BTBD9: variants seen among roughly 807,000 people sequenced by gnomAD.
BTBD9 encodes BTB domain containing 9, also known as BTB/POZ domain-containing protein 9.
A neutral mutation model predicts 64.3 loss-of-function variants in BTBD9; 49 were observed. The ratio of observed to expected loss-of-function variants is 0.76; its 90% CI spans 0.61 to 0.97. The LOEUF is 0.97. Ranked by LOEUF, BTBD9 falls within the 50% of genes least tolerant of loss-of-function variation. The pLI is 0.00. For synonymous variants in BTBD9, 260 were observed against 274.7 expected, an observed-to-expected ratio of 0.95 and a Z score of 0.53; for missense variants, 598 against 762.1, an observed-to-expected ratio of 0.78 and a Z score of 2.53.
At chr6:38,638,735 C>A (rs1326388517) in intron 1 of BTBD9, among the ~76,000 whole-genome samples, 1 of 152,252 alleles carries the variant, frequency 6.6e-6, no homozygotes, top group Non-Finnish European at 1.5e-5. Flanking sequence ...TATCCTCTTA[C>A]ACAAAACATT....
At chr6:38,552,389 C>T (rs867012293) in intron 6 of BTBD9, among the ~76,000 whole-genome samples, 30 of 152,020 alleles carry the variant, frequency 2.0e-4, no homozygotes, top group African/African-American at 7.0e-4. Flanking sequence ...AAAAGTAGTC[C>T]AGAAAGAGGA....
At chr6:38,635,309 T>C (rs1332938185) in intron 1 of BTBD9, among the ~76,000 whole-genome samples, 10 of 152,110 alleles carry the variant, frequency 6.6e-5, no homozygotes, top group Admixed American at 6.5e-4. Flanking sequence ...CTAATTTTTA[T>C]ATTTTTAGTA....
chr6:38,635,454 T>C (rs2127536395), intron 1 of BTBD9, among the ~76,000 whole-genome samples: 1 of 152,290 alleles, frequency 6.6e-6, no homozygotes, highest in Middle Eastern at 3.4e-3. Context: ...GTCTACCCAA[T>C]GCATTTTCAA....
intron 6 of BTBD9, among the ~76,000 whole-genome samples, chr6:38,566,824 A>G (rs996039737): frequency 1.2e-4 from 19 of 152,292 alleles, no homozygotes; most frequent in Admixed American, 7.2e-4. Flanking sequence ...ATCTCAACAA[A>G]CCATGCACAT....
intron 1 of BTBD9, among the ~76,000 whole-genome samples, chr6:38,627,362 G>A (rs962599487): frequency 1.3e-5 from 2 of 152,142 alleles, no homozygotes; most frequent in Non-Finnish European, 2.9e-5. Flanking sequence ...GTACTGATAT[G>A]GAACAGCCTC....
chr6:38,557,211 T>C (rs1775069079), intron 6 of BTBD9, among the ~76,000 whole-genome samples: 1 of 151,358 alleles, frequency 6.6e-6, no homozygotes, highest in Admixed American at 6.6e-5. Context: ...CTGGCAGTGG[T>C]GGCAGGCGCC....
At position 38,192,602 on chromosome 6, in the gene BTBD9, G is replaced by A; in HGVS notation, c.1563-5C>T. 1 of 1,613,328 alleles carries A rather than the reference G, an allele frequency of 6.2e-7. No individual in the cohort carries two copies. Among genetic ancestry groups the A allele is most frequent in the South Asian group, 1.1e-5 (1 of 90,978 alleles). ...AAAGTTACTGACTGCCAGGACCTGT[G>A]AGAGGAAACAACCATTTGCCTGATT... On this transcript the variant is annotated splice_polypyrimidine_tract_variant and splice_region_variant and intron_variant, in intron 9 of 10. Transcript: ENST00000481247.
At chr6:38,637,087 CCTT>C (rs1160166553) in intron 1 of BTBD9, among the ~76,000 whole-genome samples, 1 of 152,136 alleles carries the variant, frequency 6.6e-6, no homozygotes, top group African/African-American at 2.4e-5. Flanking sequence ...AGCTCCATCC[CCTT>C]CTTCTCAACA....
chr6:38,474,047 G>C (rs758739723), intron 6 of BTBD9, among the ~76,000 whole-genome samples: 1 of 152,140 alleles, frequency 6.6e-6, no homozygotes, highest in Non-Finnish European at 1.5e-5. Flanking sequence ...CAGTACAGTG[G>C]CCTTGTAGAC....
At position 38,593,833 on chromosome 6, in the gene BTBD9, C is replaced by T. The variant is rs1582689398; in HGVS notation, c.549+131G>A. 3.7e-6 allele frequency: 3 copies of T among 810,420 alleles called. No individual in the cohort carries two copies. In the East Asian group the frequency reaches 7.8e-5, roughly 21 times the overall value. The allele number at this position is 810,420 out of a possible 1,614,324, so 50.2% of individuals were successfully genotyped here. A position where few individuals can be genotyped will look rare whatever the true frequency, so the allele number is the denominator to read the frequency against. On this transcript the variant is annotated intron_variant, in intron 3 of 10. Coordinates refer to ENST00000481247, the MANE Select transcript of BTBD9 (RefSeq NM_001099272.2). Reference sequence around the variant, plus strand: ...GGTAGCTAGATGCAAGTGGCTAGACCAGATAACCAATGATAACGCTTTGAT... The same window carrying T: ...GGTAGCTAGATGCAAGTGGCTAGACTAGATAACCAATGATAACGCTTTGAT...
chr6:38,404,716 G>A (rs995053432), intron 6 of BTBD9, among the ~76,000 whole-genome samples: 8 of 152,170 alleles, frequency 5.3e-5, no homozygotes, highest in African/African-American at 1.9e-4. Context: ...GCAGATAAGG[G>A]ATAAACTGAT....
intron 9 of BTBD9, among the ~76,000 whole-genome samples, chr6:38,227,830 G>A (rs1378445352): frequency 1.3e-5 from 2 of 152,190 alleles, no homozygotes; most frequent in Non-Finnish European, 2.9e-5. Context: ...GCGGCAATGG[G>A]CACTTCTGGA....
chr6:38,373,910 T>C (rs900930411), intron 6 of BTBD9, among the ~76,000 whole-genome samples: 5 of 152,116 alleles, frequency 3.3e-5, no homozygotes, highest in African/African-American at 1.2e-4. Context: ...GATATACAGA[T>C]ATTAAGGCAA....
At chr6:38,289,262 G>A (rs1165710912) in intron 7 of BTBD9, among the ~76,000 whole-genome samples, 1 of 152,054 alleles carries the variant, frequency 6.6e-6, no homozygotes, top group Non-Finnish European at 1.5e-5. Context: ...TGGTCCCAGC[G>A]ACTCGGCCTA....
At chr6:38,209,913 C>G (rs1762772322) in intron 9 of BTBD9, among the ~76,000 whole-genome samples, 1 of 152,162 alleles carries the variant, frequency 6.6e-6, no homozygotes, top group Non-Finnish European at 1.5e-5. Context: ...TGAGTTTTGC[C>G]TTCTGTGCTC....
chr6:38,355,102 T>C (rs1764667455), intron 6 of BTBD9, among the ~76,000 whole-genome samples: 1 of 152,214 alleles, frequency 6.6e-6, no homozygotes, highest in Admixed American at 6.6e-5. Flanking sequence ...TCAGCACTAC[T>C]GGTATAAGAG....
intron 6 of BTBD9, among the ~76,000 whole-genome samples, chr6:38,386,733 C>T (rs113867657): frequency 1.8e-4 from 27 of 149,762 alleles, no homozygotes; most frequent in African/African-American, 5.7e-4. Flanking sequence ...ACCTCTGCCT[C>T]CCAGGCTCAA....
chr6:38,608,333 C>T (rs554522282), intron 1 of BTBD9, among the ~76,000 whole-genome samples: 2 of 152,080 alleles, frequency 1.3e-5, no homozygotes, highest in African/African-American at 4.8e-5. Flanking sequence ...AATATATGCA[C>T]CTAGAGCCAA....
At chr6:38,297,707 G>A (rs751445611) in intron 7 of BTBD9, among the ~76,000 whole-genome samples, 24 of 152,052 alleles carry the variant, frequency 1.6e-4, no homozygotes, top group East Asian at 3.9e-4. Flanking sequence ...CTGGCAGTGC[G>A]TATTTTAACT....
Sources: gnomAD v4.1 joint callset for allele counts (sites outside exome capture counted in the v4.1 genomes callset) on GRCh38, gnomAD v4.1.1 for gene constraint, MANE v1.5 for transcripts, NCBI Gene and HGNC (gene_info 2026-07-23, HGNC 2026-07-21) for gene names.